The following SORCS3 variants were observed in gnomAD, a reference collection of about 807,000 sequenced individuals.
SORCS3 encodes sortilin related VPS10 domain containing receptor 3.
A neutral mutation model predicts 146.3 loss-of-function variants in SORCS3; 57 were observed. The ratio of observed to expected loss-of-function variants is 0.39; its 90% CI spans 0.31 to 0.49. SORCS3 has a LOEUF of 0.49. Ranked by LOEUF, SORCS3 falls within the 20% of genes least tolerant of loss-of-function variation. SORCS3 has a pLI of 0.92. For missense variants in SORCS3, 1,341 were observed against 1,575.5 expected (o/e 0.85, Z 2.52); for synonymous variants, 653 against 618.5 (o/e 1.06, Z -0.83).
In SORCS3 at chr10:105,089,858, A is replaced by G. The variant is rs1228378946; in HGVS notation, c.1093+19A>G. ...GATGGATGTGAGTTCTGCTACAGCC[A>G]GGCTAGGCCCAGGGAGATCTGCCTG... is the stretch of plus-strand genomic sequence containing the variant. On this transcript the variant is annotated intron_variant, in intron 6 of 26. Coordinates refer to ENST00000369701, the MANE Select transcript of SORCS3 (RefSeq NM_014978.3). 6.2e-7 allele frequency: 1 copy of G among 1,609,262 alleles called. No homozygotes were observed. The highest frequency in any genetic ancestry group is 8.5e-7 in the Non-Finnish European group (1 of 1,175,720).
chr10:105,231,186 G>A (rs976013676), intron 20 of SORCS3, among the ~76,000 whole-genome samples: 1 of 152,174 alleles, frequency 6.6e-6, no homozygotes, highest in African/African-American at 2.4e-5. Flanking sequence ...TTTCTTAGAT[G>A]ACCTATTCAA....
chr10:104,669,857 G>A (rs1195671938), intron 1 of SORCS3, among the ~76,000 whole-genome samples: 2 of 150,922 alleles, frequency 1.3e-5, no homozygotes, highest in Admixed American at 1.3e-4. Context: ...TAGAACAGAA[G>A]TCTTCCAATT....
chr10:104,995,068 C>T (rs757996773), intron 4 of SORCS3, among the ~76,000 whole-genome samples: 15 of 151,896 alleles, frequency 9.9e-5, no homozygotes, highest in South Asian at 2.1e-4. Flanking sequence ...ATGAGATTTA[C>T]AGTTTCTTTA....
chr10:105,113,345 A>G (rs2055871574), intron 7 of SORCS3, among the ~76,000 whole-genome samples: 1 of 152,224 alleles, frequency 6.6e-6, no homozygotes, highest in Admixed American at 6.5e-5. Context: ...GTGAGAGATT[A>G]TATACAAATG....
intron 1 of SORCS3, among the ~76,000 whole-genome samples, chr10:104,738,829 G>A (rs903353502): frequency 6.6e-6 from 1 of 152,304 alleles, no homozygotes; most frequent in Non-Finnish European, 1.5e-5. Flanking sequence ...AAGGTCTGAA[G>A]ATATAGGAGA....
chr10:104,790,222 A>G (rs1229361512), intron 1 of SORCS3, among the ~76,000 whole-genome samples: 1 of 152,246 alleles, frequency 6.6e-6, no homozygotes, highest in East Asian at 1.9e-4. Flanking sequence ...CATAAATTCA[A>G]GTATTTAGCC....
At chr10:104,748,861 TAA>T (rs1485936403) in intron 1 of SORCS3, among the ~76,000 whole-genome samples, 1 of 151,954 alleles carries the variant, frequency 6.6e-6, no homozygotes, top group East Asian at 1.9e-4. Context: ...TGTGAAAAAA[TAA>T]AAAGAATTCT....
intron 1 of SORCS3, among the ~76,000 whole-genome samples, chr10:104,731,445 C>T (rs1224554100): frequency 6.6e-6 from 1 of 152,168 alleles, no homozygotes; most frequent in Non-Finnish European, 1.5e-5. Flanking sequence ...TCTAAATCAT[C>T]TCTATCCCAG....
intron 3 of SORCS3, among the ~76,000 whole-genome samples, chr10:104,963,974 C>T (rs1432370204): frequency 6.6e-6 from 1 of 152,134 alleles, no homozygotes; most frequent in Non-Finnish European, 1.5e-5. Context: ...TCCAAAAATA[C>T]ACCCAGAAAC....
At chr10:104,968,029 C>T (rs1455063501) in intron 3 of SORCS3, among the ~76,000 whole-genome samples, 1 of 152,090 alleles carries the variant, frequency 6.6e-6, no homozygotes, top group Non-Finnish European at 1.5e-5. Flanking sequence ...GTGTGCTAAG[C>T]CCCTTTAATC....
intron 5 of SORCS3, among the ~76,000 whole-genome samples, chr10:105,056,088 G>C (rs188488964): frequency 6.6e-6 from 1 of 152,328 alleles, no homozygotes; most frequent in African/African-American, 2.4e-5. Context: ...GGAGGAGATA[G>C]GATGGAAGAA....
chr10:104,736,033 T>A (rs978648658), intron 1 of SORCS3, among the ~76,000 whole-genome samples: 2 of 152,200 alleles, frequency 1.3e-5, no homozygotes, highest in Admixed American at 6.5e-5. Flanking sequence ...TCATTTTCTC[T>A]TTCATCTCGG....
At chr10:105,010,603 A>T (rs761455199) in intron 4 of SORCS3, among the ~76,000 whole-genome samples, 2 of 152,218 alleles carry the variant, frequency 1.3e-5, no homozygotes, top group South Asian at 2.1e-4. Flanking sequence ...TTCAATAAAC[A>T]TGAGAGATTG....
intron 1 of SORCS3, among the ~76,000 whole-genome samples, chr10:104,756,284 A>G (rs2017049978): frequency 6.6e-6 from 1 of 152,202 alleles, no homozygotes; most frequent in South Asian, 2.1e-4. Flanking sequence ...AAAAGTGCAT[A>G]TAGGATCACA....
chr10:105,022,385 C>T (rs1304215272), intron 4 of SORCS3, among the ~76,000 whole-genome samples: 1 of 150,858 alleles, frequency 6.6e-6, no homozygotes, highest in Non-Finnish European at 1.5e-5. Flanking sequence ...GCAACCTCTG[C>T]CCCCTAGGTT....
At chr10:105,188,519 AT>A (rs2056493110) in intron 14 of SORCS3, among the ~76,000 whole-genome samples, 1 of 152,152 alleles carries the variant, frequency 6.6e-6, no homozygotes, top group South Asian at 2.1e-4. Context: ...ATACTAAATC[AT>A]TTCAAATAAA....
intron 4 of SORCS3, among the ~76,000 whole-genome samples, chr10:104,980,613 T>G (rs965603230): frequency 6.6e-6 from 1 of 152,226 alleles, no homozygotes; most frequent in African/African-American, 2.4e-5. Context: ...AACTGCAGCA[T>G]CAAAGGGAGA....
intron 9 of SORCS3, among the ~76,000 whole-genome samples, chr10:105,151,799 G>C (rs752190534): frequency 1.3e-5 from 2 of 151,996 alleles, no homozygotes; most frequent in Non-Finnish European, 2.9e-5. Flanking sequence ...AGATTCTCCT[G>C]CTTGTTCTTT....
At chr10:105,154,699 A>G (rs2056193444) in intron 9 of SORCS3, among the ~76,000 whole-genome samples, 1 of 152,216 alleles carries the variant, frequency 6.6e-6, no homozygotes, top group Admixed American at 6.5e-5. Flanking sequence ...TTTACATTGC[A>G]TTTAGTGAGG....
Sources: gnomAD v4.1 joint callset for allele counts (sites outside exome capture counted in the v4.1 genomes callset) on GRCh38, gnomAD v4.1.1 for gene constraint, MANE v1.5 for transcripts, NCBI Gene and HGNC (gene_info 2026-07-23, HGNC 2026-07-21) for gene names.